Variants in WWOX observed in about 807,000 individuals in gnomAD.
The protein encoded by WWOX is WW domain containing oxidoreductase, also known as WW domain-containing oxidoreductase.
In WWOX, 69 loss-of-function variants were observed where a neutral mutation model predicts 46.2. The observed-to-expected ratio is 1.49, with a 90% CI of 1.23 to 1.82. The LOEUF (loss-of-function observed/expected upper bound fraction) is 1.82, where lower values mean the gene tolerates loss of function less well. Among genes scored for constraint, WWOX ranks in the 40% most tolerant of loss-of-function variants. The pLI is 0.00. For missense variants in WWOX, 919 were observed against 542.6 expected, an observed-to-expected ratio of 1.69 and a Z score of -6.89; for synonymous variants, 359 against 202.6, an observed-to-expected ratio of 1.77 and a Z score of -6.56.
At chr16:78,630,409 C>A (rs980101010) in intron 8 of WWOX, among the ~76,000 whole-genome samples, 1 of 152,130 alleles carries the variant, frequency 6.6e-6, no homozygotes, top group Non-Finnish European at 1.5e-5. Context: ...ATGTGGAATA[C>A]CTGCTTTCCT....
intron 4 of WWOX, among the ~76,000 whole-genome samples, chr16:78,121,857 T>C (rs538472616): frequency 6.6e-6 from 1 of 152,216 alleles, no homozygotes; most frequent in South Asian, 2.1e-4. Context: ...GACAAGGTTT[T>C]GCCATGTTGT....
chr16:79,211,477 T>TTGCTATGCCAAGATC, intron 8 of WWOX, 131 bp from the exon 9 acceptor site: 2 of 1,178,602 alleles, frequency 1.7e-6, no homozygotes, highest in Non-Finnish European at 2.5e-6. Flanking sequence ...CCAGTACCCT[T>TTGCTATGCCAAGATC]TGCTATGCCA....
rs144089902 is a variant in WWOX, at chr16:78,796,095, A to C, written c.1056+363343A>C. ...TAGACTGGCTAAGAGAATGGCTCTGAATGTCTACCTAGCTATCACATTTAG... is the reference window on the plus strand; with the variant it reads ...TAGACTGGCTAAGAGAATGGCTCTGCATGTCTACCTAGCTATCACATTTAG... On this transcript the variant is annotated intron_variant, in intron 8 of 8. Coordinates refer to ENST00000566780, the MANE Select transcript of WWOX (RefSeq NM_016373.4). 1.4e-3 allele frequency among the ~76,000 whole-genome samples: 215 copies of C among 152,350 alleles called. 1 individual carries two copies. Among genetic ancestry groups the C allele is most frequent in the Middle Eastern group, 6.8e-3 (2 of 294 alleles).
intron 6 of WWOX, among the ~76,000 whole-genome samples, chr16:78,422,109 C>A (rs1385336268): frequency 6.6e-6 from 1 of 152,072 alleles, no homozygotes; most frequent in Non-Finnish European, 1.5e-5. Context: ...TATAAAATTT[C>A]TAATGTCTGC....
chr16:78,213,281 G>A (rs1203321456), intron 5 of WWOX, among the ~76,000 whole-genome samples: 1 of 151,062 alleles, frequency 6.6e-6, no homozygotes, highest in Non-Finnish European at 1.5e-5. Context: ...AATCTTTCAG[G>A]GATCCAGGCT....
intron 8 of WWOX, among the ~76,000 whole-genome samples, chr16:78,609,316 T>C (rs1410908530): frequency 1.3e-5 from 2 of 152,168 alleles, no homozygotes; most frequent in African/African-American, 4.8e-5. Context: ...GATAACCTCA[T>C]TTTCAAGGGG....
chr16:79,023,450 G>GTGTTCA (rs2047575268), intron 8 of WWOX, among the ~76,000 whole-genome samples: 1 of 152,100 alleles, frequency 6.6e-6, no homozygotes, highest in East Asian at 1.9e-4. Context: ...ACTGAGACTG[G>GTGTTCA]GGATGTTCAT....
intron 8 of WWOX, among the ~76,000 whole-genome samples, chr16:78,804,144 G>A (rs778653362): frequency 5.9e-5 from 9 of 152,060 alleles, no homozygotes; most frequent in Non-Finnish European, 1.2e-4. Flanking sequence ...GTGTCCTGTC[G>A]CTGTCACAAC....
chr16:78,341,685 A>C (rs1200724656), intron 5 of WWOX, among the ~76,000 whole-genome samples: 1 of 120,344 alleles, frequency 8.3e-6, no homozygotes, highest in East Asian at 1.9e-4. Context: ...GAGCAAGAGC[A>C]CACAGGTGAG....
chr16:79,158,742 T>C (rs2050429780), intron 8 of WWOX, among the ~76,000 whole-genome samples: 1 of 152,238 alleles, frequency 6.6e-6, no homozygotes, highest in African/African-American at 2.4e-5. Context: ...AGATTTTTCT[T>C]AACTCTCCAG....
chr16:78,899,239 T>G (rs138933573), intron 8 of WWOX: 328 of 152,298 alleles, frequency 2.2e-3, no homozygotes, highest in African/African-American at 7.5e-3. Flanking sequence ...GAGTTTGAAT[T>G]TATTTCTAGT....
In WWOX at chr16:78,925,478, G is replaced by A. The variant is rs117602521; in HGVS notation, c.1057-286130G>A. Among the ~76,000 whole-genome samples the A allele has an allele frequency of 3.8e-3, 584 of 152,300 alleles. 10 individuals are homozygous for A. The South Asian group carries it at 0.052, about 14-fold the overall frequency. ...AAAAATGCCCTCACATTTCAAACAT[G>A]TCCTGCTTTAAGTTCCCAGCGTCTT... On this transcript the variant is annotated intron_variant, in intron 8 of 8. Transcript: ENST00000566780.
chr16:78,337,641 A>C (rs1322598821), intron 5 of WWOX, among the ~76,000 whole-genome samples: 1 of 152,180 alleles, frequency 6.6e-6, no homozygotes, highest in Non-Finnish European at 1.5e-5. Context: ...AAGTCCCCTG[A>C]AAGTGTTATT....
chr16:78,133,592 C>T lies in WWOX; in HGVS notation c.409+18438C>T, dbSNP rs2151699345. 2.6e-5 allele frequency among the ~76,000 whole-genome samples: 4 copies of T among 152,260 alleles called. 2 individuals are homozygous for T. Among genetic ancestry groups the T allele is most frequent in the Admixed American group, 2.6e-4 (4 of 15,294 alleles). Reference sequence around the variant, plus strand: ...TGTATTTTTAGTAGAGATGGGGTTTCACCATGTTGGCCAGGCTGGTCTGGA... The same window carrying T: ...TGTATTTTTAGTAGAGATGGGGTTTTACCATGTTGGCCAGGCTGGTCTGGA... On this transcript the variant is annotated intron_variant, in intron 4 of 8. Transcript: ENST00000566780.
chr16:78,754,157 T>G (rs1251840350), intron 8 of WWOX, among the ~76,000 whole-genome samples: 18 of 152,098 alleles, frequency 1.2e-4, no homozygotes, highest in Non-Finnish European at 1.9e-4. Flanking sequence ...CAGCTCTTTC[T>G]CTAGAGAACT....
intron 8 of WWOX, among the ~76,000 whole-genome samples, chr16:79,038,604 C>A (rs1464232299): frequency 6.6e-6 from 1 of 152,100 alleles, no homozygotes; most frequent in Non-Finnish European, 1.5e-5. Flanking sequence ...GGCTGGAGTG[C>A]AATGGTGCAA....
At position 78,211,745 on chromosome 16, in the gene WWOX, G is replaced by A. The variant is rs532444607; in HGVS notation, c.516+47456G>A. On this transcript the variant is annotated intron_variant, in intron 5 of 8. Coordinates refer to ENST00000566780, the MANE Select transcript of WWOX (RefSeq NM_016373.4). The stretch of plus-strand genomic sequence containing the variant: ...CGGAGTGGCTTTGCAGTGGGAACCT[G>A]GCTTTGCAGCACAGCTAGGATTGGA... Among the ~76,000 whole-genome samples, 322 of 152,308 alleles carry A rather than the reference G, an allele frequency of 2.1e-3. 2 individuals carry two copies. Among genetic ancestry groups the A allele is most frequent in the Middle Eastern group, 3.4e-3 (1 of 294 alleles).
At chr16:78,303,096 C>G (rs2080070279) in intron 5 of WWOX, among the ~76,000 whole-genome samples, 1 of 152,182 alleles carries the variant, frequency 6.6e-6, no homozygotes, top group South Asian at 2.1e-4. Flanking sequence ...TTCTAGGATG[C>G]TTAGAATCAG....
chr16:78,825,825 T>C, intron 8 of WWOX: 1 of 598,846 alleles, frequency 1.7e-6, no homozygotes, highest in South Asian at 2.0e-5. Context: ...TTTCTGGGCA[T>C]CAAGGTGAAG....
Sources: allele counts gnomAD v4.1 joint callset (sites outside exome capture counted in the v4.1 genomes callset), GRCh38; gene constraint gnomAD v4.1.1; transcripts MANE v1.5; gene names NCBI Gene and HGNC (gene_info 2026-07-23, HGNC 2026-07-21).